Variants in ARHGAP10 observed in about 807,000 individuals in gnomAD.
ARHGAP10 encodes rho GTPase-activating protein 10.
Under a neutral mutation model 108.6 loss-of-function variants are expected in ARHGAP10, and 87 were observed. The ratio of observed to expected loss-of-function variants is 0.80; its 90% CI spans 0.67 to 0.96. The LOEUF (loss-of-function observed/expected upper bound fraction) is 0.96, where lower values mean the gene tolerates loss of function less well. ARHGAP10 is among the 40% of genes least tolerant of loss of function. The pLI, the probability that ARHGAP10 is intolerant of heterozygous loss-of-function variation, is 0.00. For missense variants in ARHGAP10, 939 were observed against 954.5 expected (o/e 0.98, Z 0.21); for synonymous variants, 347 against 341.1 (o/e 1.02, Z -0.19).
chr4:147,763,282 T>C (rs1579013283), intron 1 of ARHGAP10, among the ~76,000 whole-genome samples: 1 of 151,954 alleles, frequency 6.6e-6, no homozygotes, highest in Non-Finnish European at 1.5e-5. Flanking sequence ...GAATTAATGA[T>C]AATGGTGGTG....
intron 20 of ARHGAP10, among the ~76,000 whole-genome samples, chr4:148,047,913 C>G (rs1194020392): frequency 6.6e-6 from 1 of 151,988 alleles, no homozygotes. Context: ...ACCTCCGCCT[C>G]CTGGGTTTAA....
At chr4:147,821,974 T>C (rs1732515837) in intron 1 of ARHGAP10, among the ~76,000 whole-genome samples, 1 of 152,238 alleles carries the variant, frequency 6.6e-6, no homozygotes, top group South Asian at 2.1e-4. Context: ...GGCTTCTTTG[T>C]TTGTAAAATG....
chr4:147,960,864 T>C (rs1469844094), intron 16 of ARHGAP10, among the ~76,000 whole-genome samples: 1 of 152,258 alleles, frequency 6.6e-6, no homozygotes, highest in Non-Finnish European at 1.5e-5. Context: ...TTTGCTCATT[T>C]TGTGAGATTC....
At chr4:147,824,251 G>T (rs1732616373) in intron 3 of ARHGAP10, among the ~76,000 whole-genome samples, 1 of 151,968 alleles carries the variant, frequency 6.6e-6, no homozygotes, top group Admixed American at 6.6e-5. Context: ...GAATCTGGGA[G>T]ATGGAGGTTG....
chr4:147,901,290 AATGAAT>A (rs1276787734), intron 10 of ARHGAP10, among the ~76,000 whole-genome samples: 1 of 152,238 alleles, frequency 6.6e-6, no homozygotes, highest in East Asian at 1.9e-4. Context: ...GTAAATAGAA[AATGAAT>A]ATGAGCAGTC....
intron 1 of ARHGAP10, among the ~76,000 whole-genome samples, chr4:147,799,632 G>A (rs865814363): frequency 1.9e-4 from 29 of 151,980 alleles, no homozygotes; most frequent in Admixed American, 1.9e-3. Context: ...TTTTGTTACT[G>A]TACTTTTCAG....
intron 16 of ARHGAP10, among the ~76,000 whole-genome samples, chr4:147,957,347 T>G (rs973804759): frequency 1.3e-5 from 2 of 152,334 alleles, no homozygotes; most frequent in Middle Eastern, 3.4e-3. Flanking sequence ...ACTCATTGCC[T>G]CTTTTAGAGA....
intron 18 of ARHGAP10, chr4:148,023,058 A>C: frequency 2.0e-6 from 1 of 496,182 alleles, no homozygotes; most frequent in South Asian, 4.0e-5. Context: ...TTTTGATTTA[A>C]ATTTAATCAG....
rs770500236 is a variant in ARHGAP10 at position 147,881,919 on chromosome 4, G to A, written c.1021G>A (p.Glu341Lys). Residue 341 changes from glutamate (E) to lysine (K), a missense_variant, in exon 10 of 23, where the codon GAA becomes AAA. Glu to Lys is a moderately conservative substitution (Grantham distance 56). Transcript: ENST00000336498. The part of the protein sequence containing the change: ...SIDRRFCFDI[E>K]AADRPGVSLT... Reference sequence around the variant, plus strand: ...TGACAGAAGGTTTTGTTTTGACATAGAAGCTGCTGATCGGTAAGTTATTGG... The same window carrying A: ...TGACAGAAGGTTTTGTTTTGACATAAAAGCTGCTGATCGGTAAGTTATTGG... The A allele has an allele frequency of 7.4e-6, 12 of 1,613,924 alleles. No homozygotes were observed. Among genetic ancestry groups the A allele is most frequent in the African/African-American group, 4.0e-5 (3 of 74,944 alleles).
intron 9 of ARHGAP10, 128 bp from the exon 10 acceptor site, chr4:147,881,710 A>C (rs755136460): frequency 4.0e-5 from 26 of 649,512 alleles, no homozygotes; most frequent in Non-Finnish European, 5.7e-5. Flanking sequence ...GCCAGTTTGA[A>C]AGAGGATAGG....
chr4:147,993,217 G>A (rs181727830), intron 18 of ARHGAP10, among the ~76,000 whole-genome samples: 20 of 152,248 alleles, frequency 1.3e-4, no homozygotes, highest in East Asian at 1.9e-4. Context: ...TAGAATTCTA[G>A]AGCAGAGTCA....
At chr4:148,023,109 T>C (rs927431866) in intron 18 of ARHGAP10, 154 bp from the exon 19 acceptor site, 18 of 699,412 alleles carry the variant, frequency 2.6e-5, no homozygotes, top group Non-Finnish European at 3.8e-5. Context: ...AATAAAAGGC[T>C]ATGACCTCTT....
rs1463263972 is a variant in ARHGAP10 at position 147,912,584 on chromosome 4, T to G, written c.1163-490T>G. On this transcript the variant is annotated intron_variant, in intron 12 of 22. Coordinates refer to ENST00000336498, the MANE Select transcript of ARHGAP10 (RefSeq NM_024605.4). ...ATATATATATATATATATATATATA[T>G]ATATATATATATATAAAATTCCTGT... 3.3e-3 allele frequency among the ~76,000 whole-genome samples: 407 copies of G among 122,800 alleles called. 12 individuals are homozygous for G. The highest frequency in any genetic ancestry group is 5.6e-3 in the Non-Finnish European group (358 of 64,060). The allele number at this position is 122,800 out of a possible 152,430, so 80.6% of individuals were successfully genotyped here.
At chr4:147,769,068 TAAA>T (rs996192963) in intron 1 of ARHGAP10, among the ~76,000 whole-genome samples, 13 of 152,008 alleles carry the variant, frequency 8.6e-5, no homozygotes, top group Admixed American at 5.9e-4. Flanking sequence ...TAAAAAAACA[TAAA>T]AAAGGGCAGA....
chr4:147,823,935 A>G (rs1171398433), intron 3 of ARHGAP10, among the ~76,000 whole-genome samples: 1 of 152,106 alleles, frequency 6.6e-6, no homozygotes, highest in Non-Finnish European at 1.5e-5. Context: ...CTTCCTAATG[A>G]TATTCTTTAA....
intron 10 of ARHGAP10, among the ~76,000 whole-genome samples, chr4:147,896,390 T>TA (rs1735994625): frequency 6.6e-6 from 1 of 152,184 alleles, no homozygotes; most frequent in Non-Finnish European, 1.5e-5. Context: ...GATATAATGA[T>TA]ATTCAGATTT....
At chr4:148,047,129 G>GCT (rs1345380824) in intron 20 of ARHGAP10, 78 bp downstream of exon 20, 51 of 1,537,558 alleles carry the variant, frequency 3.3e-5, no homozygotes, top group Non-Finnish European at 4.1e-5. Flanking sequence ...CATGAGCAGT[G>GCT]ACCTGTGGGT....
intron 18 of ARHGAP10, among the ~76,000 whole-genome samples, chr4:147,967,124 T>C (rs181724705): frequency 6.6e-6 from 1 of 152,382 alleles, no homozygotes; most frequent in Admixed American, 6.5e-5. Context: ...TTTAGGACTT[T>C]TGTTGCTTTT....
intron 18 of ARHGAP10, among the ~76,000 whole-genome samples, chr4:147,990,320 T>C (rs2149635145): frequency 6.6e-6 from 1 of 152,346 alleles, no homozygotes; most frequent in East Asian, 1.9e-4. Context: ...CCTACCTAAC[T>C]AAACATTTTG....
Sources: gnomAD v4.1 joint callset for allele counts (sites outside exome capture counted in the v4.1 genomes callset) on GRCh38, gnomAD v4.1.1 for gene constraint, MANE v1.5 for transcripts, NCBI Gene and HGNC (gene_info 2026-07-23, HGNC 2026-07-21) for gene names.